Variants in CFAP20DC observed in about 807,000 individuals in gnomAD.
CFAP20DC encodes the protein CFAP20 domain containing, also known as protein CFAP20DC.
CFAP20DC carries 84 observed loss-of-function variants against 101.7 expected under a neutral mutation model. The observed-to-expected ratio is 0.83, with a 90% CI of 0.69 to 0.99. The LOEUF is 0.99. Ranked by LOEUF, CFAP20DC falls within the 50% of genes least tolerant of loss-of-function variation. CFAP20DC has a pLI of 0.00. For synonymous variants in CFAP20DC, 359 were observed against 351.2 expected, an observed-to-expected ratio of 1.02 and a Z score of -0.25; for missense variants, 1,007 against 970.3, an observed-to-expected ratio of 1.04 and a Z score of -0.50.
chr3:58,809,407 A>C (rs1339293419), intron 14 of CFAP20DC, among the ~76,000 whole-genome samples: 2 of 152,210 alleles, frequency 1.3e-5, no homozygotes, highest in African/African-American at 4.8e-5. Context: ...CTCACTTAAA[A>C]CCGCTCAACT....
intron 13 of CFAP20DC, among the ~76,000 whole-genome samples, chr3:58,839,259 G>A (rs1226007585): frequency 6.6e-6 from 1 of 152,214 alleles, no homozygotes; most frequent in Non-Finnish European, 1.5e-5. Context: ...CCATTGTGGT[G>A]GAAGGTGCCC....
intron 4 of CFAP20DC, among the ~76,000 whole-genome samples, chr3:58,990,902 CACTTT>C (rs2092916323): frequency 1.3e-5 from 2 of 152,200 alleles, no homozygotes; most frequent in Admixed American, 1.3e-4. Flanking sequence ...TCTTAACACT[CACTTT>C]GTTATTTTTT....
chr3:58,761,887 C>T (rs2069644374), intron 15 of CFAP20DC, among the ~76,000 whole-genome samples: 2 of 152,132 alleles, frequency 1.3e-5, no homozygotes, highest in Admixed American at 6.5e-5. Flanking sequence ...TTTGATTGCA[C>T]TGTGGTCTGA....
At chr3:58,847,531 A>G (rs78715044) in intron 13 of CFAP20DC, among the ~76,000 whole-genome samples, 61 of 151,966 alleles carry the variant, frequency 4.0e-4, no homozygotes, top group African/African-American at 1.1e-3. Flanking sequence ...GTGCTGGAGA[A>G]GATGTGGAGA....
intron 13 of CFAP20DC, among the ~76,000 whole-genome samples, chr3:58,837,617 A>G (rs1233342170): frequency 6.6e-6 from 1 of 152,192 alleles, no homozygotes; most frequent in Non-Finnish European, 1.5e-5. Flanking sequence ...ACAAAGTCTA[A>G]GGCTCACTTG....
intron 13 of CFAP20DC, among the ~76,000 whole-genome samples, chr3:58,837,857 T>C (rs542699640): frequency 6.6e-6 from 1 of 152,320 alleles, no homozygotes; most frequent in South Asian, 2.1e-4. Context: ...GCCATTTGAA[T>C]TCGAGGATTA....
At chr3:58,767,285 T>C (rs2070407462) in intron 15 of CFAP20DC, among the ~76,000 whole-genome samples, 1 of 152,172 alleles carries the variant, frequency 6.6e-6, no homozygotes, top group Non-Finnish European at 1.5e-5. Flanking sequence ...TTCCTTACCA[T>C]GTATTCAATA....
At chr3:58,967,036 G>A (rs996348995) in intron 4 of CFAP20DC, among the ~76,000 whole-genome samples, 3 of 152,116 alleles carry the variant, frequency 2.0e-5, no homozygotes, top group Non-Finnish European at 4.4e-5. Flanking sequence ...ATATGGAAAT[G>A]CAAAGGACCC....
chr3:58,842,659 G>T (rs551850136), intron 13 of CFAP20DC, among the ~76,000 whole-genome samples: 6 of 152,240 alleles, frequency 3.9e-5, no homozygotes, highest in Non-Finnish European at 8.8e-5. Flanking sequence ...GGTGGAGCCC[G>T]CCACAGCTCA....
intron 4 of CFAP20DC, among the ~76,000 whole-genome samples, chr3:58,975,645 G>C (rs753916722): frequency 7.9e-5 from 12 of 152,054 alleles, no homozygotes; most frequent in Non-Finnish European, 1.0e-4. Flanking sequence ...GTCTATTATG[G>C]TCCAATGGTC....
chr3:58,795,603 T>C lies in CFAP20DC; in HGVS notation c.2237+10792A>G, dbSNP rs1478055324. Among the ~76,000 whole-genome samples, 1 of 152,186 alleles carries C rather than the reference T, an allele frequency of 6.6e-6. No individual in the cohort carries two copies. Among genetic ancestry groups the C allele is most frequent in the African/African-American group, 2.4e-5 (1 of 41,448 alleles). On this transcript the variant is annotated intron_variant, in intron 15 of 16. Transcript: ENST00000482387. The surrounding 1 kb of genome is among the most constrained non-coding windows in gnomAD (Gnocchi z 4.2). ...TTGTGCCACTGCACTTCAGCCTGGG[T>C]GACAGACTGAGATCCTGTCTTCAAA...
intron 15 of CFAP20DC, among the ~76,000 whole-genome samples, chr3:58,778,179 C>A (rs1356246586): frequency 5.9e-5 from 9 of 152,164 alleles, no homozygotes; most frequent in Admixed American, 1.3e-4. Context: ...CTACAGCCAC[C>A]CCCACCTGCG....
intron 15 of CFAP20DC, among the ~76,000 whole-genome samples, chr3:58,801,534 T>G (rs2073702695): frequency 6.6e-6 from 1 of 152,202 alleles, no homozygotes; most frequent in Admixed American, 6.5e-5. Context: ...TTTTATTAAT[T>G]TATACATTTT....
chr3:58,740,821 C>T (rs1190677978), downstream of CFAP20DC, among the ~76,000 whole-genome samples: 1 of 152,122 alleles, frequency 6.6e-6, no homozygotes, highest in Admixed American at 6.5e-5. The surrounding 1 kb of genome is among the most constrained non-coding windows in gnomAD (Gnocchi z 4.6). Flanking sequence ...AAAGCAGAAA[C>T]AAGGCCTTCC....
At position 59,002,539 on chromosome 3, in the gene CFAP20DC, CA is replaced by C. The variant is rs1476664938; in HGVS notation, c.278+37017del. On this transcript the variant is annotated intron_variant, in intron 4 of 16. Transcript: ENST00000482387. This position sits in a 1 kb window ranked among gnomAD's most constrained non-coding sequence, Gnocchi z 4.5. ...TCCATGTACACCCTGGTCATCATAA[CA>C]AAAAGAAAATAAAAGTTACTCACAA... 6.6e-6 allele frequency among the ~76,000 whole-genome samples: 1 copy of C among 152,100 alleles called. No individual in the cohort carries two copies. Among genetic ancestry groups the C allele is most frequent in the African/African-American group, 2.4e-5 (1 of 41,428 alleles).
intron 15 of CFAP20DC, among the ~76,000 whole-genome samples, chr3:58,765,716 T>G (rs1203258751): frequency 2.0e-5 from 3 of 152,188 alleles, no homozygotes; most frequent in Non-Finnish European, 4.4e-5. Flanking sequence ...TGGGTCATTT[T>G]CACTGGGGAT....
chr3:59,008,562 A>T (rs1466809051), intron 4 of CFAP20DC, among the ~76,000 whole-genome samples: 1 of 152,208 alleles, frequency 6.6e-6, no homozygotes, highest in East Asian at 1.9e-4. Flanking sequence ...CTTTGTAGGG[A>T]CATGTATGAA....
At chr3:58,945,558 C>T (rs78546235) in intron 4 of CFAP20DC, among the ~76,000 whole-genome samples, 4,216 of 152,210 alleles carry the variant, frequency 0.028, 98 homozygotes, top group East Asian at 0.12. Context: ...AACCTCATAC[C>T]TCACAATAGG....
chr3:59,006,071 G>T lies in CFAP20DC; in HGVS notation c.278+33486C>A, dbSNP rs2093426279. 6.6e-6 allele frequency among the ~76,000 whole-genome samples: 1 copy of T among 152,012 alleles called. No homozygotes were observed. The highest frequency in any genetic ancestry group is 1.5e-5 in the Non-Finnish European group (1 of 68,012). On this transcript the variant is annotated intron_variant, in intron 4 of 16. Coordinates refer to ENST00000482387, the MANE Select transcript of CFAP20DC (RefSeq NM_001394063.1). The surrounding 1 kb of genome is among the most constrained non-coding windows in gnomAD (Gnocchi z 4.3). ...TTTAAATATCCCTACATTTATATGT[G>T]TTTTTATAAATATGTAATATACTGT...
Sources: allele counts gnomAD v4.1 joint callset (sites outside exome capture counted in the v4.1 genomes callset), GRCh38; gene constraint gnomAD v4.1.1; non-coding constraint Gnocchi (gnomAD v3.1); transcripts MANE v1.5; gene names NCBI Gene and HGNC (gene_info 2026-07-23, HGNC 2026-07-21).